Variants in SFT2D1 observed in about 807,000 individuals in gnomAD.
SFT2D1 encodes the protein SFT2 domain containing 1, also known as vesicle transport protein SFT2A.
A neutral mutation model predicts 28.1 loss-of-function variants in SFT2D1; 24 were observed. The ratio of observed to expected loss-of-function variants is 0.85; its 90% CI spans 0.62 to 1.20. The LOEUF (loss-of-function observed/expected upper bound fraction) is 1.20. Among genes scored for constraint, SFT2D1 ranks in the 50% most tolerant of loss-of-function variants. The pLI is 0.00. For synonymous variants in SFT2D1, 82 were observed against 73.7 expected (o/e 1.11, Z -0.58); for missense variants, 181 against 190.9 (o/e 0.95, Z 0.31).
intron 1 of SFT2D1, among the ~76,000 whole-genome samples, chr6:166,332,535 TGAGCCAC>T (rs1408608104): frequency 1.6e-4 from 25 of 152,346 alleles, no homozygotes; most frequent in African/African-American, 5.5e-4. Context: ...ATTACAGGCA[TGAGCCAC>T]GAGCCACTGC....
intron 1 of SFT2D1, among the ~76,000 whole-genome samples, chr6:166,333,688 G>A (rs1002903393): frequency 2.6e-5 from 4 of 152,298 alleles, no homozygotes; most frequent in African/African-American, 9.6e-5. Context: ...AGGGCAGGGG[G>A]GTCCTGAGCC....
chr6:166,326,378 A>G (rs560697944), intron 4 of SFT2D1, among the ~76,000 whole-genome samples: 6 of 152,354 alleles, frequency 3.9e-5, no homozygotes, highest in Admixed American at 1.3e-4. Flanking sequence ...GGAAGCATCT[A>G]ATAATTTAAT....
intron 6 of SFT2D1, 65 bp from the exon 7 acceptor site, chr6:166,322,951 G>GAAAA: frequency 1.5e-6 from 2 of 1,350,412 alleles, no homozygotes; most frequent in Non-Finnish European, 2.1e-6. Flanking sequence ...ATGCCAAAAG[G>GAAAA]CCATGTCTAA....
intron 3 of SFT2D1, among the ~76,000 whole-genome samples, chr6:166,329,105 C>T (rs563531527): frequency 3.9e-5 from 6 of 152,280 alleles, no homozygotes; most frequent in East Asian, 3.9e-4. Context: ...ATCCCACCTC[C>T]GGATTCCCAC....
At position 166,324,780 on chromosome 6, in the gene SFT2D1, T is replaced by G. The variant is rs73788263; in HGVS notation, c.352-185A>C. On this transcript the variant is annotated intron_variant, in intron 5 of 7. Coordinates refer to ENST00000361731, the MANE Select transcript of SFT2D1 (RefSeq NM_145169.3). ...TTAAAACCCAAAAAATACATTTCCT[T>G]TCTAAAACTATATCCATTAATTTAA... 4.1e-3 allele frequency: 2,358 copies of G among 581,892 alleles called. 33 individuals carry two copies. Among genetic ancestry groups the G allele is most frequent in the African/African-American group, 0.04 (2,149 of 53,400 alleles). The allele number at this position is 581,892 out of a possible 1,614,324, so 36.0% of individuals were successfully genotyped here.
chr6:166,328,563 TGTAA>T (rs373544052), intron 3 of SFT2D1, among the ~76,000 whole-genome samples: 203 of 152,302 alleles, frequency 1.3e-3, no homozygotes, highest in African/African-American at 4.6e-3. Flanking sequence ...TTCTCCAAAA[TGTAA>T]GTGTCTTCAG....
At chr6:166,326,200 G>A (rs752727129) in intron 4 of SFT2D1, 33 bp from the exon 5 acceptor site, 1 of 1,588,296 alleles carries the variant, frequency 6.3e-7, no homozygotes, top group Non-Finnish European at 8.6e-7. Context: ...TTATAAGTTT[G>A]AGATCCTTTC....
chr6:166,322,963 C>A (rs2114889860), intron 6 of SFT2D1, 77 bp from the exon 7 acceptor site: 2 of 1,206,764 alleles, frequency 1.7e-6, no homozygotes, highest in African/African-American at 3.0e-5. Flanking sequence ...CATGTCTAAC[C>A]TTATAATAAA....
At chr6:166,326,911 T>C (rs1000250935) in intron 4 of SFT2D1, among the ~76,000 whole-genome samples, 5 of 152,248 alleles carry the variant, frequency 3.3e-5, no homozygotes, top group African/African-American at 1.2e-4. Flanking sequence ...AAACTACTTA[T>C]ATTCTAACAG....
At chr6:166,320,347 A>G in intron 7 of SFT2D1, 91 bp from the exon 8 acceptor site, 1 of 977,704 alleles carries the variant, frequency 1.0e-6, no homozygotes, top group Non-Finnish European at 1.6e-6. Context: ...CTTTTTTAAC[A>G]GAACTCAATG....
At chr6:166,327,434 T>C (rs144476105) in intron 4 of SFT2D1, among the ~76,000 whole-genome samples, 3 of 151,944 alleles carry the variant, frequency 2.0e-5, no homozygotes, top group African/African-American at 7.2e-5. Flanking sequence ...ATAATAAGAG[T>C]GATGACCTGA....
chr6:166,339,470 C>A (rs913472121), intron 1 of SFT2D1, among the ~76,000 whole-genome samples: 1 of 152,272 alleles, frequency 6.6e-6, no homozygotes, highest in African/African-American at 2.4e-5. Context: ...TCCCCGACCC[C>A]ACTGCATCCT....
intron 1 of SFT2D1, among the ~76,000 whole-genome samples, chr6:166,341,845 C>CT (rs1778788134): frequency 1.4e-5 from 2 of 146,360 alleles, no homozygotes; most frequent in South Asian, 4.5e-4. Context: ...AAAAAAAAAT[C>CT]TCTTACCAGG....
In SFT2D1 at chr6:166,326,145, C is replaced by T; in HGVS notation, c.338G>A (p.Cys113Tyr). 5.0e-6 allele frequency: 8 copies of T among 1,613,790 alleles called. No homozygotes were observed. The highest frequency in any genetic ancestry group is 6.8e-6 in the Non-Finnish European group (8 of 1,179,778). The stretch of plus-strand genomic sequence containing the variant: ...GACATAACTTACCCAAAGAGCAGCA[C>T]ACAGGGTAAATATGAAACACAACTA... ...VMLLCFIFTL[C>Y]AALWWHKKGL... is the part of the protein sequence containing the mutation. The change falls in exon 5 of 8, where the codon TGT becomes TAT. Residue 113 changes from cysteine to tyrosine, a missense_variant. Cys to Tyr is a radical substitution (Grantham distance 194). Transcript: ENST00000361731.
chr6:166,329,310 T>C (rs993942905), intron 3 of SFT2D1, among the ~76,000 whole-genome samples, 197 bp downstream of exon 3: 6 of 152,220 alleles, frequency 3.9e-5, no homozygotes, highest in African/African-American at 1.4e-4. Context: ...AGGCTGGCTA[T>C]TCCTAGCACT....
chr6:166,323,071 T>A, intron 6 of SFT2D1, 185 bp from the exon 7 acceptor site: 1 of 514,500 alleles, frequency 1.9e-6, no homozygotes, highest in Non-Finnish European at 3.5e-6. Context: ...AATTATTAGG[T>A]CCTACCTTAA....
At chr6:166,335,322 G>C (rs1778626745) in intron 1 of SFT2D1, 2 of 577,986 alleles carry the variant, frequency 3.5e-6, no homozygotes, top group Non-Finnish European at 6.7e-6. Flanking sequence ...AATGGATTTG[G>C]TAATGATGGA....
chr6:166,328,637 G>A lies in SFT2D1; in HGVS notation c.234-280C>T, dbSNP rs533680631. On this transcript the variant is annotated intron_variant, in intron 3 of 7. Coordinates refer to ENST00000361731, the MANE Select transcript of SFT2D1 (RefSeq NM_145169.3). ...ACTCCTCCCTTTGAAAGGGATCAAA[G>A]GCCCTTGGAGGAGAGGCTGCCTGGG... Among the ~76,000 whole-genome samples, 4 of 152,304 alleles carry A rather than the reference G, an allele frequency of 2.6e-5. No homozygotes were observed. In the East Asian group the frequency reaches 7.7e-4, roughly 29 times the overall value.
At chr6:166,328,564 G>T (rs868199358) in intron 3 of SFT2D1, among the ~76,000 whole-genome samples, 2 of 151,652 alleles carry the variant, frequency 1.3e-5, no homozygotes, top group Non-Finnish European at 2.9e-5. Flanking sequence ...TCTCCAAAAT[G>T]TAAGTGTCTT....
Sources: allele counts gnomAD v4.1 joint callset (sites outside exome capture counted in the v4.1 genomes callset), GRCh38; gene constraint gnomAD v4.1.1; transcripts MANE v1.5; gene names NCBI Gene and HGNC (gene_info 2026-07-23, HGNC 2026-07-21).